The following ALK variants were observed in gnomAD, a reference collection of about 807,000 sequenced individuals.
The protein encoded by ALK is ALK receptor tyrosine kinase.
ALK carries 74 observed loss-of-function variants against 163.1 expected under a neutral mutation model. That is an observed-to-expected ratio of 0.45 (90% confidence interval 0.38 to 0.55). The LOEUF is 0.55. Among genes scored for constraint, ALK ranks in the 20% least tolerant of loss-of-function variants. The pLI is 0.00. For missense variants in ALK, 2,063 were observed against 2,105.3 expected (o/e 0.98, Z 0.39); for synonymous variants, 960 against 843.2 (o/e 1.14, Z -2.40).
chr2:29,506,573 C>T (rs1219980658), intron 4 of ALK, among the ~76,000 whole-genome samples: 1 of 151,976 alleles, frequency 6.6e-6, no homozygotes, highest in Non-Finnish European at 1.5e-5. Context: ...GGTGAAACCC[C>T]ATCTTTACTA....
At chr2:29,813,610 G>T (rs80099834) in intron 1 of ALK, among the ~76,000 whole-genome samples, 1,687 of 152,278 alleles carry the variant, frequency 0.011, 37 homozygotes, top group East Asian at 0.1. Flanking sequence ...ACAGGGATAT[G>T]GGTGTCTGTT....
intron 12 of ALK, among the ~76,000 whole-genome samples, chr2:29,250,578 G>GGA (rs1664790823): frequency 6.6e-6 from 1 of 152,162 alleles, no homozygotes; most frequent in African/African-American, 2.4e-5. Flanking sequence ...GTGGCCAAGT[G>GGA]GAGCTGGATC....
intron 13 of ALK, among the ~76,000 whole-genome samples, chr2:29,235,304 T>G (rs75864380): frequency 6.6e-6 from 1 of 152,318 alleles, no homozygotes; most frequent in East Asian, 1.9e-4. Flanking sequence ...CGTAACCAGC[T>G]AGTGGATGCA....
At chr2:29,895,462 G>A (rs1667245744) in intron 1 of ALK, among the ~76,000 whole-genome samples, 1 of 152,224 alleles carries the variant, frequency 6.6e-6, no homozygotes, top group African/African-American at 2.4e-5. Context: ...ATTGAGGCTG[G>A]AAGCAGGAAG....
chr2:29,716,325 C>T (rs999501977), intron 2 of ALK, among the ~76,000 whole-genome samples: 3 of 152,156 alleles, frequency 2.0e-5, no homozygotes, highest in Non-Finnish European at 4.4e-5. Flanking sequence ...CATTGAAAGA[C>T]TAATAAGGCT....
chr2:29,822,769 C>G (rs1665084492), intron 1 of ALK, among the ~76,000 whole-genome samples: 1 of 152,216 alleles, frequency 6.6e-6, no homozygotes, highest in African/African-American at 2.4e-5. Context: ...GATTATAGTC[C>G]TTGCCCATTA....
At chr2:29,885,354 G>A (rs1190890039) in intron 1 of ALK, among the ~76,000 whole-genome samples, 3 of 152,138 alleles carry the variant, frequency 2.0e-5, no homozygotes, top group African/African-American at 7.2e-5. Context: ...TGTCAATGCT[G>A]TGGAAGAGAA....
At chr2:29,852,996 G>A (rs1402975004) in intron 1 of ALK, among the ~76,000 whole-genome samples, 4 of 152,158 alleles carry the variant, frequency 2.6e-5, no homozygotes, top group Non-Finnish European at 5.9e-5. Context: ...AGGACTGTGA[G>A]AAATAGATGT....
At chr2:29,839,360 G>T (rs547627694) in intron 1 of ALK, among the ~76,000 whole-genome samples, 7 of 152,060 alleles carry the variant, frequency 4.6e-5, no homozygotes, top group Non-Finnish European at 1.0e-4. Flanking sequence ...GCAGAGGGGA[G>T]GACCCAGTGA....
chr2:29,841,538 G>C (rs919701491), intron 1 of ALK, among the ~76,000 whole-genome samples: 1 of 152,140 alleles, frequency 6.6e-6, no homozygotes, highest in Non-Finnish European at 1.5e-5. Flanking sequence ...TGAACATCTT[G>C]ATGTCTTCCA....
At chr2:29,293,471 T>G (rs1230106442) in intron 9 of ALK, among the ~76,000 whole-genome samples, 2 of 152,344 alleles carry the variant, frequency 1.3e-5, no homozygotes, top group East Asian at 3.9e-4. Context: ...ATAGGGATGT[T>G]TCAAGAGCCA....
intron 1 of ALK, among the ~76,000 whole-genome samples, chr2:29,902,106 A>T (rs1251070720): frequency 2.0e-5 from 3 of 152,232 alleles, no homozygotes; most frequent in Non-Finnish European, 4.4e-5. Context: ...CCCCATGCCC[A>T]GCCCTGACTT....
At position 29,838,571 on chromosome 2, in the gene ALK, T is replaced by C. The variant is rs141187771; in HGVS notation, c.667+81422A>G. 2.6e-5 allele frequency among the ~76,000 whole-genome samples: 4 copies of C among 152,232 alleles called. No homozygotes were observed. The East Asian group carries it at 5.8e-4, about 22-fold the overall frequency. ...ACAAACTAATGGAATAACCATACAA[T>C]AGAATACTATAAATAAAAAGGAACA... On this transcript the variant is annotated intron_variant, in intron 1 of 28. Transcript: ENST00000389048.
intron 11 of ALK, among the ~76,000 whole-genome samples, chr2:29,266,759 G>C (rs1352067085): frequency 2.0e-5 from 3 of 152,162 alleles, no homozygotes. Context: ...GCACTCAGTA[G>C]GTGCTTCGTG....
At chr2:29,595,296 A>C (rs764532131) in intron 3 of ALK, among the ~76,000 whole-genome samples, 3 of 150,390 alleles carry the variant, frequency 2.0e-5, no homozygotes, top group Non-Finnish European at 4.4e-5. Flanking sequence ...TGGTTTCTTC[A>C]CTGAGATCTG....
At chr2:29,275,029 A>G in intron 11 of ALK, 70 bp downstream of exon 11, 1 of 1,598,028 alleles carries the variant, frequency 6.3e-7, no homozygotes, top group Non-Finnish European at 8.6e-7. Flanking sequence ...CCCTAAAGAC[A>G]GCACCAATCT....
chr2:29,457,017 C>T (rs894558101), intron 4 of ALK, among the ~76,000 whole-genome samples: 22 of 152,180 alleles, frequency 1.4e-4, no homozygotes, highest in Admixed American at 1.4e-3. Context: ...AATCACAAGC[C>T]AGTCTGGAGA....
intron 5 of ALK, among the ~76,000 whole-genome samples, chr2:29,332,137 T>C (rs1240252904): frequency 6.6e-6 from 1 of 151,216 alleles, no homozygotes; most frequent in Non-Finnish European, 1.5e-5. Flanking sequence ...ATACAAAAAA[T>C]TAGCCGGGTG....
chr2:29,264,655 T>C (rs1350536664), intron 11 of ALK, among the ~76,000 whole-genome samples: 2 of 152,092 alleles, frequency 1.3e-5, no homozygotes, highest in African/African-American at 2.4e-5. Flanking sequence ...CAAAATGAAA[T>C]AGAAACAACA....
Sources: allele counts gnomAD v4.1 joint callset (sites outside exome capture counted in the v4.1 genomes callset), GRCh38; gene constraint gnomAD v4.1.1; transcripts MANE v1.5; gene names NCBI Gene and HGNC (gene_info 2026-07-23, HGNC 2026-07-21).